The following ADAMTSL1 variants were observed in gnomAD, a reference collection of about 807,000 sequenced individuals.
The protein encoded by ADAMTSL1 is ADAMTS like 1.
ADAMTSL1 carries 126 observed loss-of-function variants against 201.8 expected under a neutral mutation model. That is an observed-to-expected ratio of 0.62 (90% CI 0.54 to 0.72). The LOEUF is 0.72. Ranked by LOEUF, ADAMTSL1 falls within the 30% of genes least tolerant of loss-of-function variation. The pLI, the probability that ADAMTSL1 is intolerant of heterozygous loss-of-function variation, is 0.00. For synonymous variants in ADAMTSL1, 1,121 were observed against 903.4 expected, an observed-to-expected ratio of 1.24 and a Z score of -4.32; for missense variants, 2,679 against 2,277.8, an observed-to-expected ratio of 1.18 and a Z score of -3.59.
At chr9:18,184,294 C>A (rs1200634048) in intron 2 of ADAMTSL1, among the ~76,000 whole-genome samples, 2 of 152,196 alleles carry the variant, frequency 1.3e-5, no homozygotes, top group Admixed American at 1.3e-4. Context: ...AGGAGCTGAA[C>A]TTCTCGTGCC....
chr9:18,386,423 C>T (rs1837792511), intron 2 of ADAMTSL1, among the ~76,000 whole-genome samples: 1 of 152,180 alleles, frequency 6.6e-6, no homozygotes, highest in Admixed American at 6.5e-5. Flanking sequence ...CACTGGAATA[C>T]TTGGGTTCAG....
At chr9:18,106,468 A>G (rs957813325) in intron 1 of ADAMTSL1, among the ~76,000 whole-genome samples, 1 of 152,152 alleles carries the variant, frequency 6.6e-6, no homozygotes, top group Admixed American at 6.5e-5. Flanking sequence ...ACAAGTTTCA[A>G]CTCTGCTTAG....
rs369961930 is a variant in ADAMTSL1, at chr9:18,574,135, C to A, written c.343C>A (p.Pro115Thr). Reference protein sequence around the residue: ...FYEWLPVSNDPDNPCSLKCQA... With the variant: ...FYEWLPVSNDTDNPCSLKCQA... Reference sequence around the variant, plus strand: ...TGAATGGCTTCCTGTGTCTAATGACCCTGACAACCCATGTTCACTCAAGTG... The same window carrying A: ...TGAATGGCTTCCTGTGTCTAATGACACTGACAACCCATGTTCACTCAAGTG... The change falls in exon 4 of 29, where the codon CCT (proline) becomes ACT (threonine). Residue 115 changes from proline to threonine, a missense_variant. Physicochemically the swap from Pro to Thr is conservative, Grantham distance 38. Transcript: ENST00000380548. 13 of 1,614,010 alleles carry A rather than the reference C, an allele frequency of 8.1e-6. No homozygotes were observed. In the Admixed American group the frequency reaches 2.2e-4, roughly 27 times the overall value.
chr9:18,703,967 A>G (rs1832083467), intron 13 of ADAMTSL1, among the ~76,000 whole-genome samples: 1 of 151,948 alleles, frequency 6.6e-6, no homozygotes. Flanking sequence ...ACACAAATCA[A>G]GTTGGCTACT....
chr9:18,306,147 C>T (rs1301306994), intron 2 of ADAMTSL1, among the ~76,000 whole-genome samples: 2 of 152,122 alleles, frequency 1.3e-5, no homozygotes, highest in East Asian at 1.9e-4. Flanking sequence ...ATAGCGTCAA[C>T]ATCAACAAAA....
At chr9:18,584,746 C>T (rs144173179) in intron 4 of ADAMTSL1, among the ~76,000 whole-genome samples, 69 of 152,134 alleles carry the variant, frequency 4.5e-4, no homozygotes, top group African/African-American at 1.6e-3. Context: ...AATCAGTGGA[C>T]TGAGTTGGGA....
chr9:18,868,766 C>A (rs1017122885), intron 23 of ADAMTSL1, among the ~76,000 whole-genome samples: 1 of 152,182 alleles, frequency 6.6e-6, no homozygotes, highest in African/African-American at 2.4e-5. Context: ...CTGTGTAGCA[C>A]CCTCAACTCC....
intron 2 of ADAMTSL1, among the ~76,000 whole-genome samples, chr9:18,411,017 T>C (rs774016218): frequency 9.3e-5 from 14 of 150,538 alleles, no homozygotes; most frequent in Non-Finnish European, 1.9e-4. Context: ...AGTTGTTTTT[T>C]TTTGTTTGGT....
intron 20 of ADAMTSL1, among the ~76,000 whole-genome samples, chr9:18,802,277 CAAAA>C (rs374051402): frequency 6.6e-6 from 1 of 151,206 alleles, no homozygotes; most frequent in Non-Finnish European, 1.5e-5. Flanking sequence ...TCTCCAAAAA[CAAAA>C]AAAACAGGAG....
Position 18,875,031 on chromosome 9 carries a change from A to G in ADAMTSL1, c.4250-12800A>G, listed in dbSNP as rs532683321. ...TTCCAGGAATTTATCCATCACCTCTAGGTTTTCTAGTTTGTGCATGTAAAG... is the reference window on the plus strand; with the variant it reads ...TTCCAGGAATTTATCCATCACCTCTGGGTTTTCTAGTTTGTGCATGTAAAG... On this transcript the variant is annotated intron_variant, in intron 23 of 28. Coordinates refer to ENST00000380548, the MANE Select transcript of ADAMTSL1 (RefSeq NM_001040272.6). Among the ~76,000 whole-genome samples the G allele has an allele frequency of 1.3e-3, 201 of 152,126 alleles. 2 individuals carry two copies. Among genetic ancestry groups the G allele is most frequent in the African/African-American group, 4.7e-3 (196 of 41,504 alleles).
At chr9:18,677,829 A>G (rs1587870849) in intron 10 of ADAMTSL1, among the ~76,000 whole-genome samples, 1 of 152,046 alleles carries the variant, frequency 6.6e-6, no homozygotes, top group African/African-American at 2.4e-5. Flanking sequence ...ACCCCCTTGT[A>G]TGTCTGATAC....
chr9:18,368,328 C>T lies in ADAMTSL1; in HGVS notation c.208-136501C>T, dbSNP rs141894303. Reference sequence around the variant, plus strand: ...CACCATGAGCACATGTTAAAACACACTGCTGTACCAGAGTGATGCTCCCAT... The same window carrying T: ...CACCATGAGCACATGTTAAAACACATTGCTGTACCAGAGTGATGCTCCCAT... On this transcript the variant is annotated intron_variant, in intron 2 of 29. Transcript: ENST00000680146. 2.0e-5 allele frequency among the ~76,000 whole-genome samples: 3 copies of T among 152,316 alleles called. No homozygotes were observed. In the East Asian group the frequency reaches 5.8e-4, roughly 29 times the overall value.
chr9:18,502,196 A>T (rs1822878850), intron 1 of ADAMTSL1, among the ~76,000 whole-genome samples: 2 of 152,214 alleles, frequency 1.3e-5, no homozygotes, highest in African/African-American at 4.8e-5. Context: ...TTGCTTTTGC[A>T]GTTGTAGTAA....
At position 18,474,722 on chromosome 9, in the gene ADAMTSL1, A is replaced by G. The variant is rs116297611; in HGVS notation, c.63+427A>G. Among the ~76,000 whole-genome samples, 229 of 152,256 alleles carry G rather than the reference A, an allele frequency of 1.5e-3. 1 individual carries two copies. The highest frequency in any genetic ancestry group is 6.8e-3 in the Middle Eastern group (2 of 294). ...TTGCCCGTACCGCCTTTAATGAATT[A>G]CTTTCCATCTATGCACATGTACTAT... On this transcript the variant is annotated intron_variant, in intron 1 of 28. Coordinates refer to ENST00000380548, the MANE Select transcript of ADAMTSL1 (RefSeq NM_001040272.6).
intron 1 of ADAMTSL1, among the ~76,000 whole-genome samples, chr9:18,002,774 A>T (rs147334598): frequency 2.5e-4 from 38 of 152,200 alleles, no homozygotes; most frequent in African/African-American, 8.9e-4. Context: ...AGCACTTAGC[A>T]GTATATATTG....
intron 19 of ADAMTSL1, among the ~76,000 whole-genome samples, chr9:18,781,513 T>A (rs1185248267): frequency 6.6e-6 from 1 of 151,980 alleles, no homozygotes; most frequent in Admixed American, 6.6e-5. Context: ...AAGAAAAGAG[T>A]GAATGTATCT....
At chr9:18,776,027 T>C (rs1820965055) in intron 18 of ADAMTSL1, 131 bp downstream of exon 18, 1 of 1,248,416 alleles carries the variant, frequency 8.0e-7, no homozygotes, top group African/African-American at 1.5e-5. Flanking sequence ...CATGGAGGGC[T>C]GCAGGCAGGA....
In ADAMTSL1 at chr9:18,371,824, C is replaced by T. The variant is rs187890992; in HGVS notation, c.208-133005C>T. ...GTGGCTTTTGACAAAACCCAGAGAGCTTGAAGGGTAGATATGTTACATAAA... is the reference window on the plus strand; with the variant it reads ...GTGGCTTTTGACAAAACCCAGAGAGTTTGAAGGGTAGATATGTTACATAAA... On this transcript the variant is annotated intron_variant, in intron 2 of 29. Coordinates refer to the ADAMTSL1 transcript ENST00000680146. 9.2e-3 allele frequency among the ~76,000 whole-genome samples: 1,408 copies of T among 152,240 alleles called. 17 individuals carry two copies. The highest frequency in any genetic ancestry group is 0.014 in the Non-Finnish European group (976 of 68,020).
chr9:18,780,404 G>A (rs1821325209), intron 19 of ADAMTSL1, among the ~76,000 whole-genome samples: 1 of 152,186 alleles, frequency 6.6e-6, no homozygotes, highest in Admixed American at 6.5e-5. Context: ...GGCACAAGTT[G>A]TTTCTAAATG....
Sources: allele counts gnomAD v4.1 joint callset (sites outside exome capture counted in the v4.1 genomes callset), GRCh38; gene constraint gnomAD v4.1.1; transcripts MANE v1.5; gene names NCBI Gene and HGNC (gene_info 2026-07-23, HGNC 2026-07-21).